Variants in LRRC27 observed in about 807,000 individuals in gnomAD.
The protein encoded by LRRC27 is leucine-rich repeat-containing protein 27.
LRRC27 carries 57 observed loss-of-function variants against 55.0 expected under a neutral mutation model. The ratio of observed to expected loss-of-function variants is 1.04; its 90% CI spans 0.84 to 1.29. The LOEUF (loss-of-function observed/expected upper bound fraction) is 1.29. LRRC27 is among the 50% of genes most tolerant of loss of function. The probability of loss-of-function intolerance (pLI) is 0.00; values close to 1 mark genes in which losing one functional copy is unlikely to be tolerated. For synonymous variants in LRRC27, 278 were observed against 251.9 expected (o/e 1.10, Z -0.98); for missense variants, 721 against 651.5 (o/e 1.11, Z -1.16).
chr10:132,363,915 C>A (rs1300014240), intron 9 of LRRC27, among the ~76,000 whole-genome samples: 1 of 152,070 alleles, frequency 6.6e-6, no homozygotes, highest in Non-Finnish European at 1.5e-5. Flanking sequence ...CGAAGGCCAA[C>A]TAGGTTGTAT....
Position 132,348,434 on chromosome 10 carries a change from T to C in LRRC27, c.926+78T>C, listed in dbSNP as rs2067832339. 2.0e-5 allele frequency: 30 copies of C among 1,536,920 alleles called. No homozygotes were observed. In the South Asian group the frequency reaches 3.8e-4, roughly 20 times the overall value. Reference sequence around the variant, plus strand: ...TTATTTTAAATTATCTTTGAAAACATCAGGTCCAGCTTTTAAAGTGTCCTC... The same window carrying C: ...TTATTTTAAATTATCTTTGAAAACACCAGGTCCAGCTTTTAAAGTGTCCTC... On this transcript the variant is annotated intron_variant, in intron 6 of 10. Coordinates refer to ENST00000368614, the MANE Select transcript of LRRC27 (RefSeq NM_030626.3). The surrounding 1 kb of genome is among the most constrained non-coding windows in gnomAD (Gnocchi z 4.2).
intron 7 of LRRC27, among the ~76,000 whole-genome samples, chr10:132,352,008 G>T (rs550626686): frequency 8.2e-6 from 1 of 121,444 alleles, no homozygotes; most frequent in Non-Finnish European, 1.7e-5. Context: ...GCAGCGCTCC[G>T]TGTGGGGCAG....
chr10:132,353,153 C>A, intron 7 of LRRC27: 1 of 1,436,176 alleles, frequency 7.0e-7, no homozygotes. Context: ...CCAGCGGGGG[C>A]CCCCAGCAGG....
At chr10:132,331,509 C>T (rs1423382507), upstream of LRRC27, 1 of 1,612,934 alleles carries the variant, frequency 6.2e-7, no homozygotes, top group East Asian at 2.2e-5. Flanking sequence ...TCTGAGTCTG[C>T]GTTCCCCTGG....
chr10:132,353,192 C>T (rs926999985), intron 7 of LRRC27: 15 of 1,391,066 alleles, frequency 1.1e-5, no homozygotes, highest in Middle Eastern at 5.4e-4. Context: ...GAGCGAGGGC[C>T]TCGTCTTTAC....
chr10:132,364,327 C>G (rs1057263370), intron 9 of LRRC27, among the ~76,000 whole-genome samples: 1 of 67,214 alleles, frequency 1.5e-5, no homozygotes, highest in Non-Finnish European at 3.3e-5. Context: ...ACACCACACC[C>G]ATGACCACAC....
intron 5 of LRRC27, among the ~76,000 whole-genome samples, chr10:132,345,769 G>A (rs1359212255): frequency 6.6e-6 from 1 of 152,114 alleles, no homozygotes; most frequent in Non-Finnish European, 1.5e-5. Context: ...GGCACAGCCG[G>A]AGCCAGGACA....
chr10:132,357,106 T>C (rs909373025), intron 8 of LRRC27, among the ~76,000 whole-genome samples: 1 of 152,198 alleles, frequency 6.6e-6, no homozygotes, highest in South Asian at 2.1e-4. Flanking sequence ...AAAAATAGTG[T>C]TTCCGTCTCC....
chr10:132,353,794 C>T (rs922813350), intron 7 of LRRC27, among the ~76,000 whole-genome samples: 5 of 152,170 alleles, frequency 3.3e-5, no homozygotes, highest in African/African-American at 4.8e-5. Context: ...TCTACAGAGC[C>T]GGGCCCGTCA....
At position 132,368,858 on chromosome 10, in the gene LRRC27, G is replaced by C. The variant is rs906809853; in HGVS notation, c.1416+3308G>C. Among the ~76,000 whole-genome samples the C allele has an allele frequency of 2.0e-5, 3 of 152,074 alleles. No homozygotes were observed. In the South Asian group the frequency reaches 6.2e-4, roughly 32 times the overall value. ...ATGTAAGACACTGCCAAAAGGATAA[G>C]ACAGGCCACAGACTGGGAGACAATA... is the stretch of plus-strand genomic sequence containing the variant. On this transcript the variant is annotated intron_variant, in intron 10 of 10. Transcript: ENST00000368614.
At chr10:132,367,932 C>G (rs547712277) in intron 10 of LRRC27, among the ~76,000 whole-genome samples, 4 of 152,290 alleles carry the variant, frequency 2.6e-5, no homozygotes, top group African/African-American at 9.6e-5. Context: ...TCTTTATTCT[C>G]AGATGACATG....
rs150644007 is a variant in LRRC27, at chr10:132,333,616, C to T, written c.92C>T (p.Pro31Leu). Residue 31 changes from proline (P) to leucine (L), a missense_variant, in exon 2 of 11, where the codon CCC (proline) becomes CTC (leucine). By Grantham distance (98) the Pro-to-Leu change is moderately conservative (BLOSUM62 -3). Transcript: ENST00000368614. ...CAGACTAGGAGCTTGCCTGCCACCC[C>T]CTCCAAAGATGTTCACAAGGGTGTT... Reference protein sequence around the residue: ...AGQTRSLPATPSKDVHKGVGG... With the variant: ...AGQTRSLPATLSKDVHKGVGG... 237 of 1,612,992 alleles carry T rather than the reference C, an allele frequency of 1.5e-4. No individual in the cohort carries two copies. In the African/African-American group the frequency reaches 2.3e-3, roughly 15 times the overall value.
rs73385085 is a variant in LRRC27 at position 132,370,182 on chromosome 10, G to A, written c.1416+4632G>A. 9.5e-3 allele frequency among the ~76,000 whole-genome samples: 1,448 copies of A among 152,188 alleles called. 24 individuals are homozygous for A. The highest frequency in any genetic ancestry group is 0.033 in the African/African-American group (1,362 of 41,522). On this transcript the variant is annotated intron_variant, in intron 10 of 10. Transcript: ENST00000368614. ...GGGGACATGAATTGCCACAGAATTC[G>A]CCTTGTGCTTTAATGCCTGTCTCGT...
At position 132,348,818 on chromosome 10, in the gene LRRC27, G is replaced by A. The variant is rs2067854441; in HGVS notation, c.926+462G>A. 1.6e-6 allele frequency: 1 copy of A among 618,544 alleles called. No individual in the cohort carries two copies. The highest frequency in any genetic ancestry group is 2.9e-6 in the Non-Finnish European group (1 of 347,930). The allele number at this position is 618,544 out of a possible 1,614,324, so 38.3% of individuals were successfully genotyped here. A position where few individuals can be genotyped will look rare whatever the true frequency, so the allele number is the denominator to read the frequency against. On this transcript the variant is annotated intron_variant, in intron 6 of 10. Coordinates refer to ENST00000368614, the MANE Select transcript of LRRC27 (RefSeq NM_030626.3). The surrounding 1 kb of genome is among the most constrained non-coding windows in gnomAD (Gnocchi z 4.2). The stretch of plus-strand genomic sequence containing the variant: ...TACCTGTGAAAAGAGAGGAGTTGGG[G>A]GAAAGGTCAGTTATGCAGAAAATAA...
Position 132,341,849 on chromosome 10 carries a change from C to T in LRRC27, c.342-364C>T, listed in dbSNP as rs77745633. ...GAAAGCCTAAAATAGAGGTTCTTAA[C>T]GGGGAGATTTTACCCCCAGGAGACT... On this transcript the variant is annotated intron_variant, in intron 3 of 10. Coordinates refer to ENST00000368614, the MANE Select transcript of LRRC27 (RefSeq NM_030626.3). Among the ~76,000 whole-genome samples the T allele has an allele frequency of 4.0e-4, 61 of 152,290 alleles. 1 individual carries two copies. In the East Asian group the frequency reaches 9.1e-3, roughly 23 times the overall value.
At chr10:132,369,062 G>A (rs989391970) in intron 10 of LRRC27, among the ~76,000 whole-genome samples, 1 of 152,206 alleles carries the variant, frequency 6.6e-6, no homozygotes, top group Non-Finnish European at 1.5e-5. Context: ...TTCACATTGT[G>A]TGTCATCAGA....
At chr10:132,352,619 C>T (rs2068100294) in intron 7 of LRRC27, among the ~76,000 whole-genome samples, 1 of 117,716 alleles carries the variant, frequency 8.5e-6, no homozygotes, top group Admixed American at 8.2e-5. Context: ...GGGGCAGGCG[C>T]AGGTGCAGCG....
At chr10:132,360,842 G>A (rs1405878462) in intron 8 of LRRC27, among the ~76,000 whole-genome samples, 1 of 152,174 alleles carries the variant, frequency 6.6e-6, no homozygotes, top group Non-Finnish European at 1.5e-5. Flanking sequence ...GTCATCCGTT[G>A]GTTTCTGACA....
Position 132,379,813 on chromosome 10 carries a change from C to CAATTATAATTA in LRRC27, c.*4571_*4572insAATTATAATTA, listed in dbSNP as rs1188232347. 5 of 151,940 alleles carry CAATTATAATTA rather than the reference C, an allele frequency of 3.3e-5. No individual in the cohort carries two copies. Among genetic ancestry groups the CAATTATAATTA allele is most frequent in the African/African-American group, 9.7e-5 (4 of 41,334 alleles). The allele number at this position is 151,940 out of a possible 1,614,324, so 9.4% of individuals were successfully genotyped here. Reference sequence around the variant, plus strand: ...GAACAAGAGTTTGAATTATAAGGGTCCACTTATAAGTGGATTTTTAAAAAA... The same window carrying CAATTATAATTA: ...GAACAAGAGTTTGAATTATAAGGGTCAATTATAATTACACTTATAAGTGGATTTTTAAAAAA... On this transcript the variant is annotated 3_prime_UTR_variant, in exon 11 of 11. Coordinates refer to ENST00000368614, the MANE Select transcript of LRRC27 (RefSeq NM_030626.3).
Sources: allele counts gnomAD v4.1 joint callset (sites outside exome capture counted in the v4.1 genomes callset), GRCh38; gene constraint gnomAD v4.1.1; non-coding constraint Gnocchi (gnomAD v3.1); transcripts MANE v1.5; gene names NCBI Gene and HGNC (gene_info 2026-07-23, HGNC 2026-07-21).